Variants in ARHGAP22 observed in about 807,000 individuals in gnomAD.
ARHGAP22 encodes rho GTPase-activating protein 22.
ARHGAP22 carries 48 observed loss-of-function variants against 59.1 expected under a neutral mutation model. The observed-to-expected ratio is 0.81, with a 90% CI of 0.64 to 1.03. The LOEUF (loss-of-function observed/expected upper bound fraction) is 1.03, where lower values mean the gene tolerates loss of function less well. ARHGAP22 is among the 50% of genes least tolerant of loss of function. The pLI is 0.00. For synonymous variants in ARHGAP22, 445 were observed against 416.4 expected (o/e 1.07, Z -0.84); for missense variants, 1,015 against 958.7 (o/e 1.06, Z -0.78).
At chr10:48,561,238 G>GTTT (rs1343422628) in intron 2 of ARHGAP22, among the ~76,000 whole-genome samples, 2 of 152,138 alleles carry the variant, frequency 1.3e-5, no homozygotes, top group Non-Finnish European at 2.9e-5. Flanking sequence ...TGACAAAGGT[G>GTTT]TAAAGGCAAT....
chr10:48,548,445 C>A (rs187036254), intron 3 of ARHGAP22, among the ~76,000 whole-genome samples: 5 of 152,250 alleles, frequency 3.3e-5, no homozygotes, highest in Admixed American at 3.3e-4. Context: ...CACCAACCCA[C>A]TTGGTTCCCT....
chr10:48,434,777 C>G, the ARHGAP22 span: 12 of 967,894 alleles, frequency 1.2e-5, no homozygotes, highest in Non-Finnish European at 1.7e-5. Context: ...AGTGAGCCTT[C>G]GAAACCCAAG....
intron 2 of ARHGAP22, among the ~76,000 whole-genome samples, chr10:48,556,360 G>C (rs576575567): frequency 6.6e-6 from 1 of 152,152 alleles, no homozygotes; most frequent in Non-Finnish European, 1.5e-5. Flanking sequence ...TGTTATAACC[G>C]CTGTGATTGA....
chr10:48,615,576 G>T (rs1470541842), intron 1 of ARHGAP22, among the ~76,000 whole-genome samples: 1 of 152,088 alleles, frequency 6.6e-6, no homozygotes, highest in Non-Finnish European at 1.5e-5. Context: ...AAAAAATATT[G>T]TCCAGAAACA....
chr10:48,646,915 T>C (rs2062326437), intron 1 of ARHGAP22, among the ~76,000 whole-genome samples: 1 of 152,294 alleles, frequency 6.6e-6, no homozygotes, highest in Non-Finnish European at 1.5e-5. Context: ...TTTTGCACTT[T>C]AAAATTTAAG....
intron 1 of ARHGAP22, among the ~76,000 whole-genome samples, chr10:48,601,852 A>T (rs1201778271): frequency 6.6e-6 from 1 of 152,196 alleles, no homozygotes; most frequent in Non-Finnish European, 1.5e-5. Flanking sequence ...TCTAATCTCC[A>T]TGTGTTTAGA....
chr10:48,496,583 C>G (rs142156854), intron 3 of ARHGAP22, among the ~76,000 whole-genome samples: 8 of 152,262 alleles, frequency 5.3e-5, no homozygotes, highest in African/African-American at 1.7e-4. Flanking sequence ...TGGCCGCTCT[C>G]TTCACCTTAG....
At chr10:48,437,566 A>G in the ARHGAP22 span, 2 of 151,076 alleles carry the variant, frequency 1.3e-5, no homozygotes, top group African/African-American at 2.4e-5. Context: ...CCTGGTTACT[A>G]TTCTCTTCCC....
chr10:48,431,547 G>A, the ARHGAP22 span, among the ~76,000 whole-genome samples: 1 of 152,200 alleles, frequency 6.6e-6, no homozygotes, highest in South Asian at 2.1e-4. Flanking sequence ...TCTTTAAAGA[G>A]GAAACTTCTC....
intron 2 of ARHGAP22, among the ~76,000 whole-genome samples, chr10:48,563,279 C>T (rs1022747351): frequency 6.3e-5 from 9 of 141,814 alleles, no homozygotes; most frequent in African/African-American, 1.8e-4. Context: ...CTACAAGCTC[C>T]GCCTCCTGGG....
At chr10:48,631,973 T>G (rs1156243958) in intron 1 of ARHGAP22, among the ~76,000 whole-genome samples, 1 of 152,172 alleles carries the variant, frequency 6.6e-6, no homozygotes, top group Non-Finnish European at 1.5e-5. Context: ...ACAATGAAAA[T>G]TATTTTTCTA....
At chr10:48,462,268 G>T (rs1589509969) in intron 4 of ARHGAP22, among the ~76,000 whole-genome samples, 1 of 150,710 alleles carries the variant, frequency 6.6e-6, no homozygotes, top group African/African-American at 2.4e-5. Context: ...GCACCTGAGT[G>T]TGAGGAGAGT....
chr10:48,654,794 C>CTT (rs1392187671), upstream of ARHGAP22, among the ~76,000 whole-genome samples: 1 of 120,920 alleles, frequency 8.3e-6, no homozygotes, highest in Admixed American at 8.0e-5. Flanking sequence ...TTCTTTCTTT[C>CTT]TTTCTTTCTT....
chr10:48,455,396 C>T (rs2046393068), intron 5 of ARHGAP22, among the ~76,000 whole-genome samples: 1 of 152,216 alleles, frequency 6.6e-6, no homozygotes, highest in African/African-American at 2.4e-5. Flanking sequence ...TGCCTAGGCA[C>T]CTGCTCAGAA....
chr10:48,522,741 G>C (rs1218569533), intron 3 of ARHGAP22, among the ~76,000 whole-genome samples: 1 of 152,156 alleles, frequency 6.6e-6, no homozygotes, highest in Non-Finnish European at 1.5e-5. Context: ...AGCCTCATGT[G>C]CAAAATTCTT....
intron 4 of ARHGAP22, among the ~76,000 whole-genome samples, chr10:48,463,149 A>G (rs1163935335): frequency 2.0e-5 from 3 of 152,120 alleles, no homozygotes; most frequent in Non-Finnish European, 4.4e-5. Context: ...AAAAGCAACA[A>G]TTGCAGAGCT....
At chr10:48,445,975 T>G, downstream of ARHGAP22, 1 of 189,674 alleles carries the variant, frequency 5.3e-6, no homozygotes, top group Non-Finnish European at 1.1e-5. Context: ...GAAACAGGAG[T>G]GGTCCTGTAT....
rs923455463 is a variant in ARHGAP22, at chr10:48,493,561, C to G, written c.323-13797G>C. 1.4e-5 allele frequency: 22 copies of G among 1,517,948 alleles called. No homozygotes were observed. The Middle Eastern group carries it at 6.2e-4, about 43-fold the overall frequency. The allele number at this position is 1,517,948 out of a possible 1,614,324, so 94.0% of individuals were successfully genotyped here. On this transcript the variant is annotated intron_variant, in intron 3 of 9. Transcript: ENST00000249601. The stretch of plus-strand genomic sequence containing the variant: ...ACACCTGTTGGGGTGCAGAAAACCA[C>G]CAGGTGCACGAGGCACTCCTCCACT...
At chr10:48,438,196 T>G in the ARHGAP22 span, 1 of 152,236 alleles carries the variant, frequency 6.6e-6, no homozygotes, top group African/African-American at 2.4e-5. Context: ...ACCAGTAAAC[T>G]TCTCTTACCA....
Sources: gnomAD v4.1 joint callset for allele counts (sites outside exome capture counted in the v4.1 genomes callset) on GRCh38, gnomAD v4.1.1 for gene constraint, MANE v1.5 for transcripts, NCBI Gene and HGNC (gene_info 2026-07-23, HGNC 2026-07-21) for gene names.